NCR1: variants seen among roughly 807,000 people sequenced by gnomAD.
NCR1 encodes natural cytotoxicity triggering receptor 1.
NCR1 carries 30 observed loss-of-function variants against 32.5 expected under a neutral mutation model. The ratio of observed to expected loss-of-function variants is 0.92; its 90% CI spans 0.69 to 1.25. NCR1 has a LOEUF of 1.25. Ranked by LOEUF, NCR1 falls within the 50% of genes most tolerant of loss-of-function variation. The pLI is 0.00. For synonymous variants in NCR1, 169 were observed against 143.4 expected (o/e 1.18, Z -1.28); for missense variants, 369 against 380.7 (o/e 0.97, Z 0.26).
chr19:54,928,767 TCCC>T, the NCR1 span, among the ~76,000 whole-genome samples: 1 of 151,714 alleles, frequency 6.6e-6, no homozygotes, highest in Non-Finnish European at 1.5e-5. Flanking sequence ...TACACGAGGA[TCCC>T]CCATAAGGCC....
At chr19:54,913,634 C>A (rs1009408319), downstream of NCR1, among the ~76,000 whole-genome samples, 3 of 152,096 alleles carry the variant, frequency 2.0e-5, no homozygotes, top group Admixed American at 2.0e-4. Context: ...AGAGAAGCAG[C>A]TTTATAAGTG....
chr19:54,921,694 C>A, the NCR1 span, among the ~76,000 whole-genome samples: 1 of 147,476 alleles, frequency 6.8e-6, no homozygotes, highest in Admixed American at 6.9e-5. Context: ...CTCACTTGAA[C>A]CCAGGAGGCA....
intron 5 of NCR1, among the ~76,000 whole-genome samples, chr19:54,910,634 G>A (rs1306256436): frequency 6.6e-6 from 1 of 152,088 alleles, no homozygotes; most frequent in Non-Finnish European, 1.5e-5. Context: ...TATACACAGT[G>A]AACTACACTG....
upstream of NCR1, among the ~76,000 whole-genome samples, chr19:54,903,332 G>A (rs1005269585): frequency 2.0e-4 from 25 of 128,028 alleles, no homozygotes; most frequent in African/African-American, 5.5e-4. Context: ...ATATATACAT[G>A]TATGTATATA....
the NCR1 span, chr19:54,936,489 G>A: frequency 5.7e-6 from 8 of 1,406,048 alleles, no homozygotes; most frequent in Non-Finnish European, 8.1e-6. Flanking sequence ...TTGTGTGGAG[G>A]CATGTATAAA....
intron 3 of NCR1, among the ~76,000 whole-genome samples, chr19:54,908,273 C>T (rs143981324): frequency 0.88 from 132,964 of 150,772 alleles, 58,943 homozygotes; most frequent in Non-Finnish European, 0.91. Context: ...TGAGTGGACA[C>T]AGCACATGTT....
chr19:54,930,849 G>A, the NCR1 span, among the ~76,000 whole-genome samples: 1 of 151,918 alleles, frequency 6.6e-6, no homozygotes, highest in Non-Finnish European at 1.5e-5. Flanking sequence ...CCAAGTAGCT[G>A]GGATTATAGG....
intron 6 of NCR1, among the ~76,000 whole-genome samples, chr19:54,912,438 A>G (rs891968064): frequency 2.6e-5 from 4 of 151,670 alleles, no homozygotes; most frequent in Non-Finnish European, 5.9e-5. Context: ...CTCTACTAAA[A>G]ATACAAAAAA....
chr19:54,935,229 A>G, the NCR1 span, among the ~76,000 whole-genome samples: 17 of 32,898 alleles, frequency 5.2e-4, no homozygotes, highest in Non-Finnish European at 1.8e-3. Context: ...TGCAGGGGGG[A>G]AAAAAAAATT....
the NCR1 span, among the ~76,000 whole-genome samples, chr19:54,924,182 G>A: frequency 1.3e-5 from 2 of 152,088 alleles, no homozygotes; most frequent in African/African-American, 4.8e-5. Flanking sequence ...TAGCCAGGCT[G>A]GTCTCGAACT....
At chr19:54,934,795 C>CG in the NCR1 span, 140 of 683,946 alleles carry the variant, frequency 2.0e-4, 1 homozygote, top group African/African-American at 2.1e-3. The surrounding 1 kb of genome is among the most constrained non-coding windows in gnomAD (Gnocchi z 6.7). Flanking sequence ...CTGCAGCCTC[C>CG]GCCTCCCGGG....
At chr19:54,907,333 T>C (rs1405373981) in intron 3 of NCR1, among the ~76,000 whole-genome samples, 1 of 151,088 alleles carries the variant, frequency 6.6e-6, no homozygotes, top group Non-Finnish European at 1.5e-5. Flanking sequence ...GTATTTTTAG[T>C]AGAGATGGGG....
At chr19:54,929,836 C>A in the NCR1 span, among the ~76,000 whole-genome samples, 1 of 151,970 alleles carries the variant, frequency 6.6e-6, no homozygotes, top group Non-Finnish European at 1.5e-5. Context: ...AGAAATTGGC[C>A]GGGCGTGGTG....
the NCR1 span, chr19:54,930,745 T>G: frequency 8.7e-7 from 1 of 1,147,984 alleles, no homozygotes; most frequent in Non-Finnish European, 1.3e-6. Context: ...CAACACTATA[T>G]ACCTTCCACT....
chr19:54,923,802 G>A, the NCR1 span: 4 of 1,614,056 alleles, frequency 2.5e-6, no homozygotes, highest in East Asian at 2.2e-5. Flanking sequence ...TCAATAGTCA[G>A]CTTGGGATTC....
the NCR1 span, among the ~76,000 whole-genome samples, chr19:54,899,548 C>T: frequency 4.0e-4 from 60 of 151,670 alleles, no homozygotes; most frequent in African/African-American, 1.1e-3. Context: ...AATAAGGGAT[C>T]GGGGTGCAGA....
At chr19:54,912,053 G>C (rs1472632938) in intron 5 of NCR1, 115 bp from the exon 6 acceptor site, 9 of 885,402 alleles carry the variant, frequency 1.0e-5, no homozygotes, top group Non-Finnish European at 1.7e-5. Flanking sequence ...GGGACCCGCA[G>C]GGTGAGGTGG....
At chr19:54,911,479 G>A (rs587703916) in intron 5 of NCR1, among the ~76,000 whole-genome samples, 7 of 152,152 alleles carry the variant, frequency 4.6e-5, no homozygotes, top group African/African-American at 1.4e-4. Context: ...GGGCTGGGCC[G>A]GGTGGCTCCT....
At chr19:54,907,232 T>TGCAGTG (rs1420780582) in intron 3 of NCR1, among the ~76,000 whole-genome samples, 1 of 151,270 alleles carries the variant, frequency 6.6e-6, no homozygotes, top group African/African-American at 2.4e-5. Flanking sequence ...CTCCAGTCAC[T>TGCAGTG]GCAACCTCCA....
Sources: allele counts gnomAD v4.1 joint callset (sites outside exome capture counted in the v4.1 genomes callset), GRCh38; gene constraint gnomAD v4.1.1; non-coding constraint Gnocchi (gnomAD v3.1); transcripts MANE v1.5; gene names NCBI Gene and HGNC (gene_info 2026-07-23, HGNC 2026-07-21).